The following CD1B variants were observed in gnomAD, a reference collection of about 807,000 sequenced individuals.
CD1B encodes the protein T-cell surface glycoprotein CD1b.
CD1B carries 43 observed loss-of-function variants against 39.8 expected under a neutral mutation model. The ratio of observed to expected loss-of-function variants is 1.08; its 90% CI spans 0.85 to 1.39. The LOEUF (loss-of-function observed/expected upper bound fraction) is 1.39, where lower values mean the gene tolerates loss of function less well. Among genes scored for constraint, CD1B ranks in the 40% most tolerant of loss-of-function variants. The probability of loss-of-function intolerance (pLI) is 0.00; values close to 1 mark genes in which losing one functional copy is unlikely to be tolerated. For synonymous variants in CD1B, 192 were observed against 152.5 expected (o/e 1.26, Z -1.91); for missense variants, 495 against 403.8 (o/e 1.23, Z -1.94).
rs372752113 is a variant in CD1B at position 158,328,304 on chromosome 1, T to C, written c.981-47A>G. 6.1e-6 allele frequency: 9 copies of C among 1,475,850 alleles called. No homozygotes were observed. In the African/African-American group the frequency reaches 1.1e-4, roughly 18 times the overall value. The allele number at this position is 1,475,850 out of a possible 1,614,324, so 91.4% of individuals were successfully genotyped here. Reference sequence around the variant, plus strand: ...AAGAGCTCCACATAAAAGATGTTTGTACACCCATGCTCATAGTAATATTAT... The same window carrying C: ...AAGAGCTCCACATAAAAGATGTTTGCACACCCATGCTCATAGTAATATTAT... On this transcript the variant is annotated intron_variant, in intron 5 of 5. Transcript: ENST00000368168.
the CD1B span, among the ~76,000 whole-genome samples, chr1:158,305,842 G>A: frequency 2.0e-5 from 3 of 152,238 alleles, no homozygotes; most frequent in Non-Finnish European, 4.4e-5. Flanking sequence ...AGCTTCATAA[G>A]TGAAGGAGAA....
At chr1:158,292,832 A>T in the CD1B span, 1 of 1,614,148 alleles carries the variant, frequency 6.2e-7, no homozygotes, top group Non-Finnish European at 8.5e-7. Context: ...TTGTCGAGTG[A>T]GACACAGCAG....
downstream of CD1B, among the ~76,000 whole-genome samples, chr1:158,325,488 C>A (rs978868242): frequency 1.3e-5 from 2 of 152,098 alleles, no homozygotes; most frequent in Admixed American, 1.3e-4. Context: ...CTTCTCACTA[C>A]ATTTTTGAAA....
the CD1B span, chr1:158,293,301 T>A: frequency 6.2e-7 from 1 of 1,613,070 alleles, no homozygotes; most frequent in Non-Finnish European, 8.5e-7. Flanking sequence ...TAAGAAGCAC[T>A]GGTGAGTTTT....
At chr1:158,309,984 TA>T in the CD1B span, among the ~76,000 whole-genome samples, 2,970 of 128,572 alleles carry the variant, frequency 0.023, 97 homozygotes, top group African/African-American at 0.072. Context: ...CGTATAATAA[TA>T]AAAAAAAAAG....
the CD1B span, among the ~76,000 whole-genome samples, chr1:158,298,630 A>G: frequency 6.6e-6 from 1 of 152,160 alleles, no homozygotes; most frequent in African/African-American, 2.4e-5. Flanking sequence ...CACGATATTG[A>G]TTCTTCCTAT....
At chr1:158,291,675 T>C in the CD1B span, among the ~76,000 whole-genome samples, 1 of 152,178 alleles carries the variant, frequency 6.6e-6, no homozygotes, top group African/African-American at 2.4e-5. Context: ...CACTCTGTGC[T>C]TGACTCCCTT....
At chr1:158,307,654 T>A in the CD1B span, among the ~76,000 whole-genome samples, 1 of 151,978 alleles carries the variant, frequency 6.6e-6, no homozygotes, top group Non-Finnish European at 1.5e-5. Flanking sequence ...TAGACCAATA[T>A]CCCTGACGAA....
Position 158,329,737 on chromosome 1 carries a change from C to A in CD1B, c.608-89G>T, listed in dbSNP as rs550544639. 4.7e-4 allele frequency: 738 copies of A among 1,562,674 alleles called. 8 individuals are homozygous for A. Among genetic ancestry groups the A allele is most frequent in the Non-Finnish European group, 7.4e-5 (85 of 1,154,194 alleles). Reference sequence around the variant, plus strand: ...GAAACCTACAAGCTTGGACAGCGACCCCATTCACTCCTTTGGGAACCAAAT... The same window carrying A: ...GAAACCTACAAGCTTGGACAGCGACACCATTCACTCCTTTGGGAACCAAAT... On this transcript the variant is annotated intron_variant, in intron 3 of 5. Transcript: ENST00000368168.
At chr1:158,310,814 C>G in the CD1B span, among the ~76,000 whole-genome samples, 2 of 152,158 alleles carry the variant, frequency 1.3e-5, no homozygotes, top group South Asian at 2.1e-4. Flanking sequence ...AAAAAAGTAA[C>G]AGATTCTAGC....
intron 1 of CD1B, 135 bp from the exon 2 acceptor site, chr1:158,331,197 T>G (rs1652588394): frequency 2.7e-6 from 3 of 1,126,324 alleles, no homozygotes; most frequent in Non-Finnish European, 3.9e-6. Context: ...CACATTTGAC[T>G]GCCTTAAGGC....
At chr1:158,308,148 A>G in the CD1B span, among the ~76,000 whole-genome samples, 2 of 152,212 alleles carry the variant, frequency 1.3e-5, no homozygotes, top group African/African-American at 4.8e-5. Flanking sequence ...CTCAGGATAC[A>G]AAGTCAATGT....
At chr1:158,310,069 T>C in the CD1B span, among the ~76,000 whole-genome samples, 1 of 151,720 alleles carries the variant, frequency 6.6e-6, no homozygotes, top group South Asian at 2.1e-4. Context: ...CTTCAAACTA[T>C]AGTACAAGGC....
chr1:158,290,031 GC>G, the CD1B span: 49 of 1,603,612 alleles, frequency 3.1e-5, no homozygotes, highest in Non-Finnish European at 4.2e-5. Flanking sequence ...TCAGCAAACA[GC>G]TTTTCTGAGA....
Sources: gnomAD v4.1 joint callset for allele counts (sites outside exome capture counted in the v4.1 genomes callset) on GRCh38, gnomAD v4.1.1 for gene constraint, MANE v1.5 for transcripts, NCBI Gene and HGNC (gene_info 2026-07-23, HGNC 2026-07-21) for gene names.